RYR2: variants seen among roughly 807,000 people sequenced by gnomAD.
RYR2 encodes ryanodine receptor 2, also known as cardiac muscle ryanodine receptor-calcium release channel.
A neutral mutation model predicts 601.1 loss-of-function variants in RYR2; 227 were observed. That is an observed-to-expected ratio of 0.38 (90% CI 0.34 to 0.42). The LOEUF (loss-of-function observed/expected upper bound fraction) is 0.42, where lower values mean the gene tolerates loss of function less well. Among genes scored for constraint, RYR2 ranks in the 10% least tolerant of loss-of-function variants. RYR2 has a pLI of 1.00. For missense variants in RYR2, 4,646 were observed against 6,156.5 expected (o/e 0.75, Z 8.21); for synonymous variants, 2,223 against 2,175.1 (o/e 1.02, Z -0.61).
intron 27 of RYR2, 74 bp downstream of exon 27, chr1:237,550,765 A>C: frequency 2.8e-6 from 4 of 1,440,706 alleles, no homozygotes; most frequent in Non-Finnish European, 2.8e-6. Flanking sequence ...ATAAATGAAT[A>C]AAAGGGGGAG....
chr1:237,335,394 C>T (rs1297465100), intron 3 of RYR2, among the ~76,000 whole-genome samples: 2 of 152,004 alleles, frequency 1.3e-5, no homozygotes, highest in African/African-American at 2.4e-5. Flanking sequence ...TGAGAGGTGA[C>T]GTAGTATAGT....
At chr1:237,110,577 C>A (rs1030113503) in intron 1 of RYR2, among the ~76,000 whole-genome samples, 4 of 152,086 alleles carry the variant, frequency 2.6e-5, no homozygotes, top group African/African-American at 9.7e-5. Context: ...CATCCACGTC[C>A]CTAAGTTCCC....
At chr1:237,401,457 A>ATAAGTATAAGTATAAAT (rs1386195939) in intron 10 of RYR2, among the ~76,000 whole-genome samples, 1 of 152,178 alleles carries the variant, frequency 6.6e-6, no homozygotes, top group Admixed American at 6.5e-5. Flanking sequence ...AGAATGACTC[A>ATAAGTATAAGTATAAAT]CAGAACACAG....
At chr1:237,795,877 C>CAT (rs1186991161) in intron 96 of RYR2, among the ~76,000 whole-genome samples, 69 of 96,552 alleles carry the variant, frequency 7.1e-4, no homozygotes, top group Middle Eastern at 5.6e-3. Context: ...TATATATACA[C>CAT]ATATATATAT....
chr1:237,627,119 G>T (rs187975466), intron 40 of RYR2, among the ~76,000 whole-genome samples: 1 of 152,136 alleles, frequency 6.6e-6, no homozygotes, highest in Admixed American at 6.5e-5. Flanking sequence ...TGCATAAATT[G>T]GTCACCCCAC....
intron 46 of RYR2, among the ~76,000 whole-genome samples, chr1:237,639,868 A>C (rs994801169): frequency 2.6e-5 from 4 of 152,152 alleles, no homozygotes; most frequent in African/African-American, 9.7e-5. Flanking sequence ...TTATTGAGGC[A>C]CATTTCTAAA....
At chr1:237,254,979 C>T (rs928040514) in intron 1 of RYR2, among the ~76,000 whole-genome samples, 3 of 152,250 alleles carry the variant, frequency 2.0e-5, no homozygotes, top group African/African-American at 7.2e-5. Flanking sequence ...CACTCATTTT[C>T]TTTAACAGCC....
At chr1:237,115,236 A>AC (rs66869261) in intron 1 of RYR2, among the ~76,000 whole-genome samples, 9,719 of 149,836 alleles carry the variant, frequency 0.065, 503 homozygotes, top group African/African-American at 0.13. Context: ...TGGAAACCAC[A>AC]CCCCCCCCCT....
intron 8 of RYR2, among the ~76,000 whole-genome samples, chr1:237,386,181 A>G (rs995699037): frequency 6.6e-6 from 1 of 152,200 alleles, no homozygotes; most frequent in African/African-American, 2.4e-5. Flanking sequence ...TAAACTTTCA[A>G]TCTTATTCAT....
intron 92 of RYR2, among the ~76,000 whole-genome samples, chr1:237,791,027 CTCTT>C (rs1050495730): frequency 3.3e-5 from 5 of 152,148 alleles, no homozygotes; most frequent in Admixed American, 1.3e-4. Flanking sequence ...CTTTGACACA[CTCTT>C]TCTTTCCCCA....
intron 29 of RYR2, among the ~76,000 whole-genome samples, chr1:237,584,803 G>A (rs1311531726): frequency 6.6e-6 from 1 of 151,742 alleles, no homozygotes; most frequent in East Asian, 1.9e-4. Flanking sequence ...TGGGACCACA[G>A]GCACATGCCA....
At position 237,773,570 on chromosome 1, in the gene RYR2, T is replaced by C. The variant is rs1694430814; in HGVS notation, c.11697T>C (p.Asp3899=). ...ATTACTCTGGGAAAGATGTTATTGA[T>C]GAACAAGGACAACGGAATTTCTCCA... ...YWYYSGKDVI[D]EQGQRNFSKA... is the part of the protein sequence containing the mutation. The change falls in exon 87 of 105, where the codon GAT becomes GAC. Residue 3899 remains aspartate (D), a synonymous_variant. Coordinates refer to ENST00000366574, the MANE Select transcript of RYR2 (RefSeq NM_001035.3). 1 of 1,602,724 alleles carries C rather than the reference T, an allele frequency of 6.2e-7. No individual in the cohort carries two copies. Among genetic ancestry groups the C allele is most frequent in the South Asian group, 1.1e-5 (1 of 90,810 alleles).
chr1:237,705,289 G>A lies in RYR2; in HGVS notation c.9526G>A (p.Asp3176Asn), dbSNP rs761272070. 14 of 1,604,502 alleles carry A rather than the reference G, an allele frequency of 8.7e-6. No homozygotes were observed. Among genetic ancestry groups the A allele is most frequent in the Non-Finnish European group, 1.2e-5 (14 of 1,174,656 alleles). The change falls in exon 67 of 105, where the codon GAC (aspartate) becomes AAC (asparagine). Residue 3176 changes from aspartate (D) to asparagine (N), a missense_variant. Asp to Asn is a conservative substitution (Grantham distance 23). Coordinates refer to ENST00000366574, the MANE Select transcript of RYR2 (RefSeq NM_001035.3). ...TGTAGCATTTTTGGAAACTCATCTG[G>A]ACAAACATAATATTTACTCCATCTA... ...FPVAFLETHL[D>N]KHNIYSIYNT...
At chr1:237,432,949 C>A (rs767393076) in intron 12 of RYR2, among the ~76,000 whole-genome samples, 1 of 149,598 alleles carries the variant, frequency 6.7e-6, no homozygotes, top group African/African-American at 2.5e-5. Context: ...TTTGTAGATA[C>A]CAATAACTTT....
chr1:237,731,317 G>A (rs2149164068), intron 77 of RYR2, among the ~76,000 whole-genome samples: 1 of 151,962 alleles, frequency 6.6e-6, no homozygotes, highest in East Asian at 1.9e-4. Flanking sequence ...CAATAAAAAT[G>A]CTTAATAATT....
intron 1 of RYR2, among the ~76,000 whole-genome samples, chr1:237,142,946 G>T (rs1239443840): frequency 6.6e-6 from 1 of 152,086 alleles, no homozygotes; most frequent in Non-Finnish European, 1.5e-5. Context: ...TTAGATGCCT[G>T]CCTGAAAAAC....
intron 11 of RYR2, among the ~76,000 whole-genome samples, chr1:237,420,992 T>G (rs773722634): frequency 5.9e-5 from 9 of 152,278 alleles, no homozygotes; most frequent in Non-Finnish European, 1.2e-4. Flanking sequence ...TGTAATCCCA[T>G]CACTTTGGGA....
chr1:237,833,905 T>G lies in RYR2; in HGVS notation c.*1258T>G, dbSNP rs1184841711. ...ATTCAGAATGGAAACAAGGTCATTT[T>G]GCAAACATTGGAGCTCTTTTATTAC... is the stretch of plus-strand genomic sequence containing the variant. On this transcript the variant is annotated 3_prime_UTR_variant, in exon 105 of 105. Transcript: ENST00000366574. The G allele has an allele frequency of 4.6e-5, 7 of 152,608 alleles. No individual in the cohort carries two copies. In the East Asian group the frequency reaches 1.3e-3, roughly 29 times the overall value. The allele number at this position is 152,608 out of a possible 1,614,324, so 9.5% of individuals were successfully genotyped here.
chr1:237,089,004 C>T (rs541175524), intron 1 of RYR2, among the ~76,000 whole-genome samples: 1 of 152,326 alleles, frequency 6.6e-6, no homozygotes, highest in East Asian at 1.9e-4. Flanking sequence ...CCACATGGGT[C>T]CCATAGATCT....
Sources: allele counts gnomAD v4.1 joint callset (sites outside exome capture counted in the v4.1 genomes callset), GRCh38; gene constraint gnomAD v4.1.1; transcripts MANE v1.5; gene names NCBI Gene and HGNC (gene_info 2026-07-23, HGNC 2026-07-21).